The following DMTN variants were observed in gnomAD, a reference collection of about 807,000 sequenced individuals.
The protein encoded by DMTN is dematin.
DMTN carries 27 observed loss-of-function variants against 59.4 expected under a neutral mutation model. The ratio of observed to expected loss-of-function variants is 0.45; its 90% CI spans 0.33 to 0.63. DMTN has a LOEUF of 0.63. Ranked by LOEUF, DMTN falls within the 20% of genes least tolerant of loss-of-function variation. The pLI, the probability that DMTN is intolerant of heterozygous loss-of-function variation, is 0.02. For synonymous variants in DMTN, 221 were observed against 203.7 expected, an observed-to-expected ratio of 1.08 and a Z score of -0.72; for missense variants, 451 against 528.9, an observed-to-expected ratio of 0.85 and a Z score of 1.45.
At chr8:22,077,651 G>C (rs1041989869) in intron 10 of DMTN, among the ~76,000 whole-genome samples, 1 of 152,194 alleles carries the variant, frequency 6.6e-6, no homozygotes, top group South Asian at 2.1e-4. Context: ...TTTTGGCCTC[G>C]TGAAGTTGAA....
upstream of DMTN, among the ~76,000 whole-genome samples, chr8:22,052,344 T>G (rs1047034946): frequency 6.6e-6 from 1 of 152,218 alleles, no homozygotes; most frequent in African/African-American, 2.4e-5. Flanking sequence ...ATTGAGGAAA[T>G]AAACCACTTG....
At chr8:22,075,763 C>T (rs1471052127) in intron 10 of DMTN, among the ~76,000 whole-genome samples, 1 of 152,190 alleles carries the variant, frequency 6.6e-6, no homozygotes, top group Non-Finnish European at 1.5e-5. Context: ...AGGTGATCCA[C>T]CTGCCTTGGC....
rs766369853 is a variant in DMTN at position 22,082,339 on chromosome 8, C to T, written c.*876C>T. ...CCCCCAGCTGCTTTCCTCACCTGCC[C>T]CTGCCCTACCTTACACCCCCAGCTT... is the stretch of plus-strand genomic sequence containing the variant. On this transcript the variant is annotated 3_prime_UTR_variant, in exon 16 of 16. Transcript: ENST00000358242. 1.2e-5 allele frequency: 5 copies of T among 418,118 alleles called. No homozygotes were observed. Among genetic ancestry groups the T allele is most frequent in the Non-Finnish European group, 2.4e-5 (5 of 205,682 alleles). 25.9% of individuals were successfully genotyped at this position (418,118 alleles called of 1,614,324 possible).
At chr8:22,080,773 G>GC (rs1563550813) in intron 13 of DMTN, 32 bp from the exon 14 acceptor site, 1 of 1,603,604 alleles carries the variant, frequency 6.2e-7, no homozygotes, top group Non-Finnish European at 8.5e-7. Flanking sequence ...TCCCTGCCCC[G>GC]CTCTGGCTCA....
Position 22,073,791 on chromosome 8 carries a change from G to A in DMTN, c.791G>A (p.Arg264Gln), listed in dbSNP as rs201697275. Reference sequence around the variant, plus strand: ...GAGATGGAAAAGTCATTGCCGATCCGAAGGAAAACCCGCTCTCTGCCTGAC... The same window carrying A: ...GAGATGGAAAAGTCATTGCCGATCCAAAGGAAAACCCGCTCTCTGCCTGAC... ...KEEMEKSLPI[R>Q]RKTRSLPDRT... Residue 264 changes from arginine (R) to glutamine (Q), a missense_variant, in exon 10 of 16, where the codon CGA becomes CAA. By Grantham distance (43) the Arg-to-Gln change is conservative (BLOSUM62 1). Transcript: ENST00000358242. The A allele has an allele frequency of 5.3e-5, 86 of 1,613,956 alleles. No individual in the cohort carries two copies. Among genetic ancestry groups the A allele is most frequent in the Admixed American group, 2.2e-4 (13 of 59,986 alleles).
At chr8:22,078,975 T>C (rs1373436307) in intron 10 of DMTN, among the ~76,000 whole-genome samples, 4 of 151,648 alleles carry the variant, frequency 2.6e-5, no homozygotes, top group Non-Finnish European at 4.4e-5. Flanking sequence ...TTGTTTTGTA[T>C]TTTTAGTCGA....
Position 22,069,487 on chromosome 8 carries a change from C to T in DMTN, c.363C>T (p.Pro121=). 6.2e-7 allele frequency: 1 copy of T among 1,611,440 alleles called. No individual in the cohort carries two copies. Among genetic ancestry groups the T allele is most frequent in the Non-Finnish European group, 8.5e-7 (1 of 1,178,712 alleles). ...QASAPRTTGT[P]RTSLPHFHHP... is the part of the protein sequence containing the mutation. ...CGGCCCCCAGAACCACTGGAACCCCCCGGACCAGCCTGCCCCATTTCCACC... is the reference window on the plus strand; with the variant it reads ...CGGCCCCCAGAACCACTGGAACCCCTCGGACCAGCCTGCCCCATTTCCACC... Residue 121 remains proline, a synonymous_variant, in exon 6 of 16, where the codon CCC becomes CCT. Transcript: ENST00000358242.
intron 10 of DMTN, among the ~76,000 whole-genome samples, chr8:22,074,598 A>T (rs112120152): frequency 0.026 from 3,888 of 152,312 alleles, 52 homozygotes; most frequent in Middle Eastern, 0.037. Context: ...GAAGGCTGAG[A>T]CCAAGCAAGC....
At chr8:22,061,507 G>A (rs1806437152) in intron 1 of DMTN, among the ~76,000 whole-genome samples, 1 of 151,972 alleles carries the variant, frequency 6.6e-6, no homozygotes. Flanking sequence ...GCTTACCCTG[G>A]GCCACTCACC....
At chr8:22,067,765 C>T (rs1042675574) in intron 4 of DMTN, 83 bp downstream of exon 4, 22 of 1,519,488 alleles carry the variant, frequency 1.4e-5, no homozygotes, top group Non-Finnish European at 1.8e-5. Context: ...CCCGTGCTTC[C>T]TTTCCTGGAG....
rs1804278065 is a variant in DMTN at position 22,058,926 on chromosome 8, G to A, written c.-172+1790G>A. Among the ~76,000 whole-genome samples, 1 of 152,152 alleles carries A rather than the reference G, an allele frequency of 6.6e-6. No individual in the cohort carries two copies. Among genetic ancestry groups the A allele is most frequent in the East Asian group, 1.9e-4 (1 of 5,176 alleles). On this transcript the variant is annotated intron_variant, in intron 1 of 15. Transcript: ENST00000358242. This position sits in a 1 kb window ranked among gnomAD's most constrained non-coding sequence, Gnocchi z 4.3. ...TGGTGTCCTTTTCCAGTGGCGGGGGGGTGCGGGGAGCAAGGTGCCCTACCC... is the reference window on the plus strand; with the variant it reads ...TGGTGTCCTTTTCCAGTGGCGGGGGAGTGCGGGGAGCAAGGTGCCCTACCC...
chr8:22,080,734 G>A, intron 13 of DMTN, 71 bp from the exon 14 acceptor site: 2 of 1,586,452 alleles, frequency 1.3e-6, no homozygotes, highest in Non-Finnish European at 1.7e-6. Flanking sequence ...TGGTGAAGAA[G>A]AAGAAGCCGG....
chr8:22,066,401 C>G (rs1016430696), intron 1 of DMTN: 5 of 152,896 alleles, frequency 3.3e-5, no homozygotes, highest in African/African-American at 1.2e-4. Context: ...AGGGGAGGGC[C>G]TCAGCCAGGG....
intron 15 of DMTN, 46 bp downstream of exon 15, chr8:22,081,239 C>T (rs768614391): frequency 1.9e-6 from 3 of 1,609,116 alleles, no homozygotes; most frequent in Admixed American, 1.7e-5. Context: ...TGTCCACGGG[C>T]ACTCTCCTGC....
In DMTN at chr8:22,070,214, C is replaced by T. The variant is rs1169043527; in HGVS notation, c.484C>T (p.Leu162Phe). 1.2e-6 allele frequency: 2 copies of T among 1,607,038 alleles called. No individual in the cohort carries two copies. The highest frequency in any genetic ancestry group is 2.2e-5 in the East Asian group (1 of 44,852). The change falls in exon 8 of 16, where the codon CTC becomes TTC. Residue 162 changes from leucine (L) to phenylalanine (F), a missense_variant. Transcript: ENST00000358242. ...GGGAGGCAGCCCTCAGACCAAGCAC[C>T]TCATCGAGGATCTCATCATCGAGTC... ...SVGGSPQTKH[L>F]IEDLIIESSK...
upstream of DMTN, among the ~76,000 whole-genome samples, chr8:22,050,815 C>T (rs1339803057): frequency 2.0e-5 from 3 of 152,160 alleles, no homozygotes; most frequent in Non-Finnish European, 4.4e-5. Flanking sequence ...TGAGCCTTCT[C>T]CTCACCACAC....
chr8:22,079,564 G>A (rs1822749487), intron 10 of DMTN, among the ~76,000 whole-genome samples: 1 of 152,008 alleles, frequency 6.6e-6, no homozygotes, highest in South Asian at 2.1e-4. Context: ...AAGTCCAGGA[G>A]TTCAGGTTCA....
At chr8:22,063,971 G>T (rs1808458680) in intron 1 of DMTN, among the ~76,000 whole-genome samples, 1 of 152,202 alleles carries the variant, frequency 6.6e-6, no homozygotes, top group South Asian at 2.1e-4. Flanking sequence ...TTGCAGAATA[G>T]GTGCTCAGAA....
chr8:22,053,412 T>C (rs1267888697), upstream of DMTN: 1 of 152,336 alleles, frequency 6.6e-6, no homozygotes, highest in Non-Finnish European at 1.5e-5. Context: ...ATCCTTCCTT[T>C]TCTTCAGGTC....
Sources: allele counts gnomAD v4.1 joint callset (sites outside exome capture counted in the v4.1 genomes callset), GRCh38; gene constraint gnomAD v4.1.1; non-coding constraint Gnocchi (gnomAD v3.1); transcripts MANE v1.5; gene names NCBI Gene and HGNC (gene_info 2026-07-23, HGNC 2026-07-21).